Variants in EPB41L1 observed in about 807,000 individuals in gnomAD.
EPB41L1 encodes erythrocyte membrane protein band 4.1 like 1, also known as band 4.1-like protein 1.
A neutral mutation model predicts 97.8 loss-of-function variants in EPB41L1; 29 were observed. That is an observed-to-expected ratio of 0.30 (90% CI 0.22 to 0.40). The LOEUF is 0.40. EPB41L1 is among the 10% of genes least tolerant of loss of function. The pLI is 1.00. For missense variants in EPB41L1, 812 were observed against 1,162.3 expected (o/e 0.70, Z 4.38); for synonymous variants, 383 against 459.2 (o/e 0.83, Z 2.12).
intron 1 of EPB41L1, among the ~76,000 whole-genome samples, chr20:36,096,542 C>T (rs1318663659): frequency 2.0e-5 from 3 of 152,218 alleles, no homozygotes; most frequent in Non-Finnish European, 4.4e-5. Context: ...ATCCTGTTCC[C>T]TTTGTCTAGC....
rs1217138307 is a variant in EPB41L1 at position 36,207,705 on chromosome 20, A to G, written c.1669-1783A>G. On this transcript the variant is annotated intron_variant, in intron 14 of 21. Transcript: ENST00000338074. This position sits in a 1 kb window ranked among gnomAD's most constrained non-coding sequence, Gnocchi z 4.9. ...AGGACACTTCTGCATCCTACCAGGA[A>G]GCACACACGGAACTAGAGCCCGTGT... is the stretch of plus-strand genomic sequence containing the variant. The G allele has an allele frequency of 6.2e-6, 8 of 1,289,920 alleles. No individual in the cohort carries two copies. Among genetic ancestry groups the G allele is most frequent in the African/African-American group, 1.5e-5 (1 of 65,858 alleles). 79.9% of individuals were successfully genotyped at this position (1,289,920 alleles called of 1,614,324 possible). A position where few individuals can be genotyped will look rare whatever the true frequency, so the allele number is the denominator to read the frequency against.
Position 36,182,344 on chromosome 20 carries a change from C to T in EPB41L1, c.563C>T (p.Thr188Ile), listed in dbSNP as rs2061505092. 6.2e-7 allele frequency: 1 copy of T among 1,614,040 alleles called. No homozygotes were observed. Among genetic ancestry groups the T allele is most frequent in the Non-Finnish European group, 8.5e-7 (1 of 1,179,930 alleles). The part of the protein sequence containing the change: ...PDPAQLTEDI[T>I]RYYLCLQLRA... ...CCTGCCCAGCTGACAGAAGACATCACAAGGTGAGGGCTGTGGAGGGAGAGA... is the reference window on the plus strand; with the variant it reads ...CCTGCCCAGCTGACAGAAGACATCATAAGGTGAGGGCTGTGGAGGGAGAGA... The change falls in exon 6 of 22, where the codon ACA becomes ATA. Residue 188 changes from threonine (T) to isoleucine (I), a missense_variant. Thr to Ile is a moderately conservative substitution (Grantham distance 89). Coordinates refer to ENST00000338074, the MANE Select transcript of EPB41L1 (RefSeq NM_012156.2).
intron 17 of EPB41L1, 143 bp downstream of exon 17, chr20:36,214,583 T>TA: frequency 1.4e-6 from 1 of 729,108 alleles, no homozygotes; most frequent in Non-Finnish European, 2.4e-6. Flanking sequence ...AGTCAGCTGT[T>TA]TATTATCTGG....
chr20:36,154,728 CGCCGCTGCT>C (rs1294507983), upstream of EPB41L1: 51 of 985,774 alleles, frequency 5.2e-5, no homozygotes, highest in Non-Finnish European at 5.9e-5. This position sits in a 1 kb window ranked among gnomAD's most constrained non-coding sequence, Gnocchi z 5.5. Context: ...CCGCCGCCGC[CGCCGCTGCT>C]GCAGTCGGCA....
At chr20:36,116,776 G>A (rs1297604580) in intron 2 of EPB41L1, among the ~76,000 whole-genome samples, 1 of 152,172 alleles carries the variant, frequency 6.6e-6, no homozygotes, top group East Asian at 1.9e-4. Context: ...TTTGTCAGAA[G>A]TTGGATAATG....
chr20:36,140,742 G>A (rs2059606198), intron 2 of EPB41L1, among the ~76,000 whole-genome samples: 1 of 152,176 alleles, frequency 6.6e-6, no homozygotes, highest in South Asian at 2.1e-4. Flanking sequence ...GAGGCCCAGA[G>A]TGAGGGCCAT....
At chr20:36,109,646 T>C (rs1237069308) in intron 1 of EPB41L1, 1 of 152,218 alleles carries the variant, frequency 6.6e-6, no homozygotes, top group Non-Finnish European at 1.5e-5. Context: ...CTTTGTATGA[T>C]ACCTCAAGAG....
chr20:36,232,676 C>T lies in EPB41L1; in HGVS notation c.*3336C>T, dbSNP rs933648298. The T allele has an allele frequency of 1.3e-5, 5 of 398,962 alleles. No homozygotes were observed. Among genetic ancestry groups the T allele is most frequent in the African/African-American group, 1.0e-4 (5 of 48,572 alleles). 24.7% of individuals were successfully genotyped at this position (398,962 alleles called of 1,614,324 possible). A position where few individuals can be genotyped will look rare whatever the true frequency, so the allele number is the denominator to read the frequency against. On this transcript the variant is annotated 3_prime_UTR_variant, in exon 22 of 22. Coordinates refer to ENST00000338074, the MANE Select transcript of EPB41L1 (RefSeq NM_012156.2). ...CGATGCTGTCCTGTTCCTTTTTACT[C>T]ACACCCTTCTCTCCTTTCTCGTCCC...
chr20:36,205,934 A>G (rs2062773224), intron 14 of EPB41L1: 2 of 1,289,906 alleles, frequency 1.6e-6, no homozygotes, highest in Non-Finnish European at 2.0e-6. Context: ...ATGCAGCAGG[A>G]AGAAAGGCAG....
At chr20:36,095,883 G>A (rs1456202736) in intron 1 of EPB41L1, among the ~76,000 whole-genome samples, 2 of 152,088 alleles carry the variant, frequency 1.3e-5, no homozygotes, top group East Asian at 1.9e-4. Context: ...AAATTTAGCC[G>A]GGCATGGTGG....
intron 2 of EPB41L1, among the ~76,000 whole-genome samples, chr20:36,174,845 G>A (rs1394848124): frequency 1.3e-5 from 2 of 152,204 alleles, no homozygotes; most frequent in Admixed American, 1.3e-4. Context: ...TTGCCATAAA[G>A]TAACAGAGGT....
intron 2 of EPB41L1, among the ~76,000 whole-genome samples, chr20:36,117,908 C>T (rs1227248839): frequency 1.3e-5 from 2 of 152,234 alleles, no homozygotes; most frequent in Non-Finnish European, 2.9e-5. Context: ...GAGAGTTCCC[C>T]AAATCCAGTC....
chr20:36,210,537 T>C (rs2063074062), intron 15 of EPB41L1, among the ~76,000 whole-genome samples: 1 of 152,076 alleles, frequency 6.6e-6, no homozygotes, highest in Admixed American at 6.5e-5. Context: ...TACACTCTCC[T>C]TTCCCCAACA....
Position 36,214,359 on chromosome 20 carries a change from G to A in EPB41L1, c.2187G>A (p.Gln729=), listed in dbSNP as rs1345707125. The A allele has an allele frequency of 1.2e-6, 2 of 1,613,698 alleles. No homozygotes were observed. Among genetic ancestry groups the A allele is most frequent in the Non-Finnish European group, 1.7e-6 (2 of 1,179,914 alleles). Residue 729 remains glutamine, a splice_region_variant and synonymous_variant, in exon 17 of 22, where the codon CAG becomes CAA. Coordinates refer to ENST00000338074, the MANE Select transcript of EPB41L1 (RefSeq NM_012156.2). ...TRVSAMDNTQ[Q]VDGSASVGRE... ...CTAACGACTCCTCCTCTGGTCAGCA[G>A]GTTGATGGGAGTGCCTCAGTGGGGA...
At chr20:36,210,472 G>A (rs150194527) in intron 15 of EPB41L1, among the ~76,000 whole-genome samples, 1 of 152,148 alleles carries the variant, frequency 6.6e-6, no homozygotes, top group Non-Finnish European at 1.5e-5. Flanking sequence ...TCTAAGGCAC[G>A]CCTGCCCATA....
At chr20:36,146,920 G>GT (rs1168164023) in intron 2 of EPB41L1, among the ~76,000 whole-genome samples, 1 of 151,942 alleles carries the variant, frequency 6.6e-6, no homozygotes, top group Non-Finnish European at 1.5e-5. Context: ...GCCAAGGTGA[G>GT]TAGAACACTT....
intron 1 of EPB41L1, among the ~76,000 whole-genome samples, chr20:36,104,057 G>A (rs1223699343): frequency 3.9e-5 from 6 of 152,130 alleles, no homozygotes; most frequent in African/African-American, 1.4e-4. Flanking sequence ...GTGCTGCGGG[G>A]GCCAGGGTGA....
chr20:36,125,457 G>A, intron 2 of EPB41L1: 1 of 994,312 alleles, frequency 1.0e-6, no homozygotes, highest in Non-Finnish European at 1.5e-6. Flanking sequence ...GTTTTCTTGG[G>A]GAGGATCAAT....
intron 2 of EPB41L1, among the ~76,000 whole-genome samples, chr20:36,121,416 G>T (rs1365200239): frequency 6.6e-6 from 1 of 152,146 alleles, no homozygotes; most frequent in Non-Finnish European, 1.5e-5. Context: ...CATGTGCTGG[G>T]AGCCCATGTG....
Sources: allele counts gnomAD v4.1 joint callset (sites outside exome capture counted in the v4.1 genomes callset), GRCh38; gene constraint gnomAD v4.1.1; non-coding constraint Gnocchi (gnomAD v3.1); transcripts MANE v1.5; gene names NCBI Gene and HGNC (gene_info 2026-07-23, HGNC 2026-07-21).